TRPC4: variants seen among roughly 807,000 people sequenced by gnomAD.
TRPC4 encodes transient receptor potential cation channel subfamily C member 4.
Under a neutral mutation model 99.4 loss-of-function variants are expected in TRPC4, and 49 were observed. The ratio of observed to expected loss-of-function variants is 0.49; its 90% CI spans 0.39 to 0.63. TRPC4 has a LOEUF of 0.63. Ranked by LOEUF, TRPC4 falls within the 20% of genes least tolerant of loss-of-function variation. TRPC4 has a pLI of 0.00. For synonymous variants in TRPC4, 454 were observed against 425.9 expected, an observed-to-expected ratio of 1.07 and a Z score of -0.81; for missense variants, 898 against 1,152.9, an observed-to-expected ratio of 0.78 and a Z score of 3.20.
At chr13:37,682,922 C>CT (rs35740848) in intron 4 of TRPC4, among the ~76,000 whole-genome samples, 9,127 of 109,250 alleles carry the variant, frequency 0.084, 584 homozygotes, top group African/African-American at 0.19. Flanking sequence ...GCCCAGCTAT[C>CT]TTTTTTTTTT....
chr13:37,662,570 T>C (rs761685734), intron 6 of TRPC4, among the ~76,000 whole-genome samples: 4 of 151,994 alleles, frequency 2.6e-5, no homozygotes, highest in Non-Finnish European at 4.4e-5. Flanking sequence ...TCCTCTCTTA[T>C]AGTATACAAG....
chr13:37,758,861 G>A (rs577285637), intron 2 of TRPC4, among the ~76,000 whole-genome samples: 1 of 151,314 alleles, frequency 6.6e-6, no homozygotes, highest in African/African-American at 2.4e-5. Context: ...CAGAAATATA[G>A]AAAAATTATT....
chr13:37,724,598 G>A (rs540863646), intron 3 of TRPC4, among the ~76,000 whole-genome samples: 9 of 135,510 alleles, frequency 6.6e-5, no homozygotes, highest in Admixed American at 2.3e-4. Flanking sequence ...CTATATAAGC[G>A]GTTTTTTTTG....
rs780118938 is a variant in TRPC4 at position 37,635,149 on chromosome 13, A to C, written c.*1754T>G. Reference sequence around the variant, plus strand: ...TTAGAAGAAGGGACTCTTATGAAGCATACCAAACTCATTCTCTCTCAAGGT... The same window carrying C: ...TTAGAAGAAGGGACTCTTATGAAGCCTACCAAACTCATTCTCTCTCAAGGT... On this transcript the variant is annotated 3_prime_UTR_variant, in exon 11 of 11. Coordinates refer to ENST00000379705, the MANE Select transcript of TRPC4 (RefSeq NM_016179.4). Among the ~76,000 whole-genome samples the C allele has an allele frequency of 1.8e-4, 28 of 152,284 alleles. No individual in the cohort carries two copies. Among genetic ancestry groups the C allele is most frequent in the South Asian group, 2.1e-4 (1 of 4,832 alleles).
intron 1 of TRPC4, among the ~76,000 whole-genome samples, chr13:37,804,955 T>C (rs1957493961): frequency 6.6e-6 from 1 of 152,022 alleles, no homozygotes; most frequent in South Asian, 2.1e-4. Context: ...TAATTATATC[T>C]AATACTTAAT....
Position 37,634,136 on chromosome 13 carries a change from T to C in TRPC4, c.*2767A>G, listed in dbSNP as rs1052367191. Among the ~76,000 whole-genome samples, 1 of 152,108 alleles carries C rather than the reference T, an allele frequency of 6.6e-6. No individual in the cohort carries two copies. The highest frequency in any genetic ancestry group is 2.4e-5 in the African/African-American group (1 of 41,440). Reference sequence around the variant, plus strand: ...AAATGAGAAACATTATTTATGTAAATGAAGGTAATTTCAAAGTTCTCTGTA... The same window carrying C: ...AAATGAGAAACATTATTTATGTAAACGAAGGTAATTTCAAAGTTCTCTGTA... On this transcript the variant is annotated 3_prime_UTR_variant, in exon 11 of 11. Coordinates refer to ENST00000379705, the MANE Select transcript of TRPC4 (RefSeq NM_016179.4).
chr13:37,769,034 C>T (rs1035703701), intron 2 of TRPC4, among the ~76,000 whole-genome samples: 1 of 151,070 alleles, frequency 6.6e-6, no homozygotes, highest in African/African-American at 2.4e-5. Flanking sequence ...AATTAAGTGA[C>T]CTATAAAAGA....
intron 2 of TRPC4, among the ~76,000 whole-genome samples, chr13:37,778,896 T>G (rs987604634): frequency 6.6e-6 from 1 of 152,068 alleles, no homozygotes; most frequent in African/African-American, 2.4e-5. Flanking sequence ...CTCTACAACC[T>G]GCAACATCCT....
At chr13:37,837,004 A>G (rs1007651881) in intron 1 of TRPC4, among the ~76,000 whole-genome samples, 1 of 152,222 alleles carries the variant, frequency 6.6e-6, no homozygotes, top group African/African-American at 2.4e-5. Context: ...AATGGGGCCA[A>G]CATAGAGCTC....
intron 4 of TRPC4, among the ~76,000 whole-genome samples, chr13:37,682,137 C>T (rs990750356): frequency 6.6e-6 from 1 of 152,158 alleles, no homozygotes; most frequent in Admixed American, 6.5e-5. Context: ...ACTGTCCGTA[C>T]TTACACCAAT....
At chr13:37,803,389 T>C (rs967960571) in intron 1 of TRPC4, among the ~76,000 whole-genome samples, 3 of 152,048 alleles carry the variant, frequency 2.0e-5, no homozygotes, top group Non-Finnish European at 4.4e-5. Flanking sequence ...ACATGTAAAC[T>C]CACCCACATA....
At chr13:37,843,539 T>A (rs1320600819) in intron 1 of TRPC4, among the ~76,000 whole-genome samples, 1 of 152,162 alleles carries the variant, frequency 6.6e-6, no homozygotes, top group East Asian at 1.9e-4. Context: ...TTACATTTAG[T>A]ATGTGATTCT....
chr13:37,806,636 C>T (rs1957535790), intron 1 of TRPC4, among the ~76,000 whole-genome samples: 1 of 151,990 alleles, frequency 6.6e-6, no homozygotes, highest in African/African-American at 2.4e-5. Flanking sequence ...AAAAATATTC[C>T]TTTTGTCCTT....
At chr13:37,776,402 G>A (rs985312214) in intron 2 of TRPC4, among the ~76,000 whole-genome samples, 2 of 151,680 alleles carry the variant, frequency 1.3e-5, no homozygotes, top group African/African-American at 4.8e-5. Flanking sequence ...AGTATTTTAT[G>A]GGGAGAAATG....
intron 1 of TRPC4, among the ~76,000 whole-genome samples, chr13:37,861,782 G>A (rs2139720705): frequency 6.6e-6 from 1 of 151,516 alleles, no homozygotes; most frequent in South Asian, 2.1e-4. Context: ...CCCAGTGCCA[G>A]CATCTCTTTT....
chr13:37,679,421 T>C (rs1271566583), intron 4 of TRPC4, among the ~76,000 whole-genome samples: 1 of 152,176 alleles, frequency 6.6e-6, no homozygotes, highest in African/African-American at 2.4e-5. Context: ...TTACAGGTAA[T>C]ATATGAGTAA....
chr13:37,775,501 C>T (rs2875103), intron 2 of TRPC4, among the ~76,000 whole-genome samples: 67,984 of 150,154 alleles, frequency 0.45, 15,723 homozygotes, highest in Middle Eastern at 0.5. Flanking sequence ...ACACAGATCA[C>T]CCCATCACCT....
chr13:37,821,900 T>C (rs959604356), intron 1 of TRPC4, among the ~76,000 whole-genome samples: 1 of 152,034 alleles, frequency 6.6e-6, no homozygotes, highest in Admixed American at 6.6e-5. Flanking sequence ...ACACAGGCCC[T>C]GGCAAAGATT....
intron 3 of TRPC4, among the ~76,000 whole-genome samples, chr13:37,694,366 A>G (rs1953840430): frequency 6.6e-6 from 1 of 152,182 alleles, no homozygotes; most frequent in Non-Finnish European, 1.5e-5. Context: ...CGAGTAAAAG[A>G]AAGTTATGTA....
Sources: allele counts gnomAD v4.1 joint callset (sites outside exome capture counted in the v4.1 genomes callset), GRCh38; gene constraint gnomAD v4.1.1; transcripts MANE v1.5; gene names NCBI Gene and HGNC (gene_info 2026-07-23, HGNC 2026-07-21).